HTR3B: variants seen among roughly 807,000 people sequenced by gnomAD.
HTR3B encodes the protein 5-hydroxytryptamine (serotonin) receptor 3B, ionotropic.
HTR3B carries 44 observed loss-of-function variants against 42.8 expected under a neutral mutation model. The observed-to-expected ratio is 1.03, with a 90% CI of 0.81 to 1.32. The LOEUF is 1.32. HTR3B is among the 40% of genes most tolerant of loss of function. The pLI, the probability that HTR3B is intolerant of heterozygous loss-of-function variation, is 0.00. For synonymous variants in HTR3B, 203 were observed against 209.0 expected, an observed-to-expected ratio of 0.97 and a Z score of 0.25; for missense variants, 527 against 536.5, an observed-to-expected ratio of 0.98 and a Z score of 0.17.
chr11:113,940,354 C>T (rs1217266069), intron 6 of HTR3B, among the ~76,000 whole-genome samples: 1 of 152,218 alleles, frequency 6.6e-6, no homozygotes, highest in Non-Finnish European at 1.5e-5. Context: ...ACCCCGACCC[C>T]ACAGGGCTAG....
intron 6 of HTR3B, among the ~76,000 whole-genome samples, chr11:113,938,944 G>C (rs111997253): frequency 6.6e-6 from 1 of 151,930 alleles, no homozygotes; most frequent in Non-Finnish European, 1.5e-5. Flanking sequence ...GCAGTGAGTC[G>C]AGATTGCGTC....
At chr11:113,931,244 G>A (rs1300490629) in intron 2 of HTR3B, 140 bp from the exon 3 acceptor site, 2 of 659,492 alleles carry the variant, frequency 3.0e-6, no homozygotes, top group Non-Finnish European at 5.3e-6. Context: ...CCTAGGTATT[G>A]AAGAGTCTAG....
chr11:113,931,954 C>A, intron 4 of HTR3B, 87 bp downstream of exon 4: 1 of 818,624 alleles, frequency 1.2e-6, no homozygotes, highest in Non-Finnish European at 2.2e-6. Flanking sequence ...CAGTGTTGCT[C>A]ATTTTTGCTT....
intron 2 of HTR3B, among the ~76,000 whole-genome samples, chr11:113,927,011 T>C (rs1015060136): frequency 3.3e-5 from 5 of 152,232 alleles, no homozygotes; most frequent in Non-Finnish European, 5.9e-5. Context: ...TGACTAATGA[T>C]GGTGAGCGTC....
chr11:113,926,031 AC>A (rs1296284622), intron 2 of HTR3B, among the ~76,000 whole-genome samples: 1 of 151,532 alleles, frequency 6.6e-6, no homozygotes, highest in East Asian at 1.9e-4. Flanking sequence ...CTCACATTCC[AC>A]CCCCAGCAGC....
At chr11:113,921,076 G>A (rs1447693155) in intron 2 of HTR3B, among the ~76,000 whole-genome samples, 1 of 151,808 alleles carries the variant, frequency 6.6e-6, no homozygotes, top group Non-Finnish European at 1.5e-5. Flanking sequence ...GCCTCCCAGA[G>A]TGGTGGGATT....
At position 113,913,350 on chromosome 11, in the gene HTR3B, A is replaced by ATTTTTTTTTTT. The variant is rs71063533; in HGVS notation, c.213+3917_213+3927dup. On this transcript the variant is annotated intron_variant, in intron 2 of 8. Coordinates refer to ENST00000260191, the MANE Select transcript of HTR3B (RefSeq NM_006028.5). ...AGGTGCCTGCCACCATGTCTGGCTA[A>ATTTTTTTTTTT]TTTTTTTTTTTTTTTTTTTTTTTTT... is the stretch of plus-strand genomic sequence containing the variant. Among the ~76,000 whole-genome samples the ATTTTTTTTTTT allele has an allele frequency of 2.0e-3, 126 of 61,526 alleles. 4 individuals carry two copies. The highest frequency in any genetic ancestry group is 4.4e-3 in the African/African-American group (62 of 13,948). 40.4% of individuals were successfully genotyped at this position (61,526 alleles called of 152,430 possible).
chr11:113,906,934 T>C (rs1949738566), intron 1 of HTR3B, among the ~76,000 whole-genome samples: 1 of 152,216 alleles, frequency 6.6e-6, no homozygotes, highest in African/African-American at 2.4e-5. Flanking sequence ...TACATAAATC[T>C]CATTTCCTTT....
At chr11:113,905,726 C>A (rs1415539822) in intron 1 of HTR3B, among the ~76,000 whole-genome samples, 1 of 152,158 alleles carries the variant, frequency 6.6e-6, no homozygotes, top group Non-Finnish European at 1.5e-5. Context: ...GTTCTCAACA[C>A]CCCACTTTCT....
At chr11:113,907,207 G>C (rs1286385318) in intron 1 of HTR3B, among the ~76,000 whole-genome samples, 6 of 152,176 alleles carry the variant, frequency 3.9e-5, no homozygotes, top group Non-Finnish European at 8.8e-5. Context: ...TGAATCATTT[G>C]AAGCTGATTA....
At chr11:113,931,912 T>TA in intron 4 of HTR3B, 45 bp downstream of exon 4, 1 of 1,111,740 alleles carries the variant, frequency 9.0e-7, no homozygotes, top group Non-Finnish European at 1.4e-6. Flanking sequence ...GACTGCTTGG[T>TA]ATAGTCGGGC....
chr11:113,925,709 G>C (rs1367035271), intron 2 of HTR3B, among the ~76,000 whole-genome samples: 1 of 151,856 alleles, frequency 6.6e-6, no homozygotes, highest in Non-Finnish European at 1.5e-5. Flanking sequence ...TAAGGATGCA[G>C]TTTTTAGTGA....
At position 113,948,922 on chromosome 11, in the gene HTR3B, T is replaced by C. The variant is rs1477634077; in HGVS notation, c.*2785T>C. On this transcript the variant is annotated 3_prime_UTR_variant, in exon 9 of 9. Transcript: ENST00000260191. ...GGGGGAGGGATAGCATTAGAAGATA[T>C]ACCTAATGTTAATGGGTGCAGCACA... is the stretch of plus-strand genomic sequence containing the variant. Among the ~76,000 whole-genome samples, 1 of 151,998 alleles carries C rather than the reference T, an allele frequency of 6.6e-6. No homozygotes were observed. Among genetic ancestry groups the C allele is most frequent in the Non-Finnish European group, 1.5e-5 (1 of 68,008 alleles).
At position 113,909,363 on chromosome 11, in the gene HTR3B, C is replaced by T. The variant is rs2137485090; in HGVS notation, c.121C>T (p.Gln41Ter). 1.2e-6 allele frequency: 2 copies of T among 1,613,298 alleles called. No individual in the cohort carries two copies. The highest frequency in any genetic ancestry group is 1.7e-4 in the Middle Eastern group (1 of 6,060). Reference protein sequence around the residue: ...ALYHLSKQLLQKYHKEVRPVY... With the variant: ...ALYHLSKQLL ...GTATCATCTCAGCAAGCAGCTATTA[C>T]AGAAATATCATAAAGAAGTGAGACC... The change falls in exon 2 of 9, where the codon CAG (glutamine) becomes TAG (stop). Residue 41 changes from glutamine (Q) to a stop codon, truncating the protein, a stop_gained. Coordinates refer to ENST00000260191, the MANE Select transcript of HTR3B (RefSeq NM_006028.5). LOFTEE classifies it high-confidence loss of function.
chr11:113,919,833 C>CAAA (rs565308743), intron 2 of HTR3B, among the ~76,000 whole-genome samples: 1 of 131,118 alleles, frequency 7.6e-6, no homozygotes, highest in Non-Finnish European at 1.5e-5. Context: ...CATCTCAAAA[C>CAAA]AACAACAACA....
At chr11:113,914,508 A>C (rs965431308) in intron 2 of HTR3B, among the ~76,000 whole-genome samples, 1 of 151,694 alleles carries the variant, frequency 6.6e-6, no homozygotes, top group African/African-American at 2.4e-5. Context: ...TTTTTGAGAC[A>C]GTCTTGCTCT....
At chr11:113,930,572 T>G (rs1240180400) in intron 2 of HTR3B, among the ~76,000 whole-genome samples, 1 of 150,626 alleles carries the variant, frequency 6.6e-6, no homozygotes, top group African/African-American at 2.4e-5. Context: ...CACTGCAATC[T>G]TGACCTCCTG....
chr11:113,924,934 G>A (rs919061426), intron 2 of HTR3B, among the ~76,000 whole-genome samples: 3 of 152,094 alleles, frequency 2.0e-5, no homozygotes, highest in Admixed American at 6.6e-5. Context: ...TATGTGCTCC[G>A]AATGCCTTCT....
At chr11:113,901,827 T>C (rs1411672087), upstream of HTR3B, among the ~76,000 whole-genome samples, 6 of 152,234 alleles carry the variant, frequency 3.9e-5, no homozygotes, top group East Asian at 1.2e-3. Flanking sequence ...CATAGCTTAC[T>C]ACAATGCATG....
Sources: gnomAD v4.1 joint callset for allele counts (sites outside exome capture counted in the v4.1 genomes callset) on GRCh38, gnomAD v4.1.1 for gene constraint, MANE v1.5 for transcripts, NCBI Gene and HGNC (gene_info 2026-07-23, HGNC 2026-07-21) for gene names.